Variants in SH3PXD2A observed in about 807,000 individuals in gnomAD.
SH3PXD2A encodes the protein SH3 and PX domain-containing protein 2A.
Under a neutral mutation model 115.2 loss-of-function variants are expected in SH3PXD2A, and 32 were observed. The observed-to-expected ratio is 0.28, with a 90% CI of 0.21 to 0.37. The LOEUF is 0.37. Among genes scored for constraint, SH3PXD2A ranks in the 10% least tolerant of loss-of-function variants. The pLI is 1.00. For synonymous variants in SH3PXD2A, 610 were observed against 629.1 expected, an observed-to-expected ratio of 0.97 and a Z score of 0.45; for missense variants, 1,328 against 1,498.7, an observed-to-expected ratio of 0.89 and a Z score of 1.88.
chr10:103,773,300 A>G (rs972931657), intron 2 of SH3PXD2A, among the ~76,000 whole-genome samples: 1 of 151,912 alleles, frequency 6.6e-6, no homozygotes, highest in Non-Finnish European at 1.5e-5. Flanking sequence ...ATTGCGGGAA[A>G]CCTCAGAATT....
chr10:103,837,249 C>G (rs2039553900), intron 1 of SH3PXD2A, among the ~76,000 whole-genome samples: 1 of 152,232 alleles, frequency 6.6e-6, no homozygotes, highest in Non-Finnish European at 1.5e-5. Flanking sequence ...TAACGAGAAA[C>G]CCATAAACCT....
At chr10:103,808,675 C>T (rs2039233025) in intron 1 of SH3PXD2A, among the ~76,000 whole-genome samples, 1 of 152,184 alleles carries the variant, frequency 6.6e-6, no homozygotes, top group South Asian at 2.1e-4. Context: ...AGTATGCTTT[C>T]CATGATTAGT....
At chr10:103,649,213 C>T (rs1007040873) in intron 8 of SH3PXD2A, among the ~76,000 whole-genome samples, 5 of 152,256 alleles carry the variant, frequency 3.3e-5, no homozygotes, top group East Asian at 1.9e-4. Flanking sequence ...ACAGCACAGT[C>T]GTCAGGGGAA....
intron 1 of SH3PXD2A, among the ~76,000 whole-genome samples, chr10:103,805,577 T>C (rs1456009981): frequency 6.6e-6 from 1 of 152,236 alleles, no homozygotes; most frequent in Non-Finnish European, 1.5e-5. Flanking sequence ...GAAAAGTTCT[T>C]TGCCCTCTAC....
chr10:103,767,048 C>G lies in SH3PXD2A; in HGVS notation c.229+46G>C, dbSNP rs1589446747. The G allele has an allele frequency of 4.8e-6, 7 of 1,468,430 alleles. No individual in the cohort carries two copies. In the East Asian group the frequency reaches 1.6e-4, roughly 33 times the overall value. The allele number at this position is 1,468,430 out of a possible 1,614,324, so 91.0% of individuals were successfully genotyped here. Reference sequence around the variant, plus strand: ...TCTCGGCCTAAGGGAAGGACTGGTCCTTCCCGGGTATCCCCCATCCCTGGG... The same window carrying G: ...TCTCGGCCTAAGGGAAGGACTGGTCGTTCCCGGGTATCCCCCATCCCTGGG... On this transcript the variant is annotated intron_variant, in intron 3 of 14. Transcript: ENST00000369774.
chr10:103,634,504 G>A (rs76664225), intron 8 of SH3PXD2A, among the ~76,000 whole-genome samples: 2,584 of 152,318 alleles, frequency 0.017, 49 homozygotes, highest in South Asian at 0.05. Context: ...TTTACAACCA[G>A]GGAGTCCAGC....
chr10:103,829,014 G>A (rs1048016954), intron 1 of SH3PXD2A, among the ~76,000 whole-genome samples: 2 of 152,142 alleles, frequency 1.3e-5, no homozygotes, highest in African/African-American at 4.8e-5. Flanking sequence ...CCCTTTTGAA[G>A]TCTCCACCAC....
chr10:103,601,643 T>C lies in SH3PXD2A; in HGVS notation c.*173A>G. The C allele has an allele frequency of 1.7e-6, 1 of 581,878 alleles. No individual in the cohort carries two copies. Among genetic ancestry groups the C allele is most frequent in the Non-Finnish European group, 3.1e-6 (1 of 325,118 alleles). The allele number at this position is 581,878 out of a possible 1,614,324, so 36.0% of individuals were successfully genotyped here. ...GCACCCCCATCCCCTACCTTCCAGC[T>C]GTGGGATGGCTTGGACAGGGGGCAT... On this transcript the variant is annotated 3_prime_UTR_variant, in exon 15 of 15. Transcript: ENST00000369774.
chr10:103,688,081 G>A (rs536970447), intron 6 of SH3PXD2A, among the ~76,000 whole-genome samples: 22 of 152,282 alleles, frequency 1.4e-4, no homozygotes, highest in African/African-American at 4.3e-4. Flanking sequence ...TCGACACCTT[G>A]CGCAGTGCTT....
At chr10:103,642,064 C>G (rs1468140335) in intron 8 of SH3PXD2A, among the ~76,000 whole-genome samples, 1 of 152,102 alleles carries the variant, frequency 6.6e-6, no homozygotes, top group South Asian at 2.1e-4. Context: ...CTTAATACCC[C>G]CAATGACCCA....
intron 11 of SH3PXD2A, 45 bp downstream of exon 11, chr10:103,617,152 C>T: frequency 7.2e-7 from 1 of 1,381,772 alleles, no homozygotes; most frequent in Non-Finnish European, 1.0e-6. Flanking sequence ...GCCCAGGGCC[C>T]AGGTGGGCGA....
At chr10:103,731,179 GA>G (rs2038315573) in intron 4 of SH3PXD2A, among the ~76,000 whole-genome samples, 2 of 136,892 alleles carry the variant, frequency 1.5e-5, no homozygotes, top group South Asian at 4.9e-4. Context: ...TTTTTTTTTT[GA>G]AACAGGGTCT....
At chr10:103,710,446 G>T (rs1459384375) in intron 5 of SH3PXD2A, among the ~76,000 whole-genome samples, 1 of 152,176 alleles carries the variant, frequency 6.6e-6, no homozygotes, top group African/African-American at 2.4e-5. Flanking sequence ...TACAGTAATT[G>T]AGCTATTATT....
At chr10:103,776,715 T>C (rs1313675394) in intron 2 of SH3PXD2A, among the ~76,000 whole-genome samples, 1 of 151,900 alleles carries the variant, frequency 6.6e-6, no homozygotes, top group African/African-American at 2.4e-5. Flanking sequence ...TCTGCCTTCA[T>C]CTCCACATGA....
intron 3 of SH3PXD2A, among the ~76,000 whole-genome samples, chr10:103,743,258 A>G (rs1379605541): frequency 6.6e-6 from 1 of 152,174 alleles, no homozygotes; most frequent in Admixed American, 6.5e-5. Flanking sequence ...CTTCACCATT[A>G]AAAACAAAAC....
chr10:103,627,906 TTCC>T lies in SH3PXD2A; in HGVS notation c.605-707_605-705del. On this transcript the variant is annotated intron_variant, in intron 8 of 14. Coordinates refer to ENST00000369774, the MANE Select transcript of SH3PXD2A (RefSeq NM_001394015.1). This position sits in a 1 kb window ranked among gnomAD's most constrained non-coding sequence, Gnocchi z 4.4. ...AAGGTCCTCTTCACACGGTCCTGTC[TTCC>T]TCCTCATCCCTTCTTCCCTGACACT... 6.6e-6 allele frequency among the ~76,000 whole-genome samples: 1 copy of T among 152,354 alleles called. No homozygotes were observed. The highest frequency in any genetic ancestry group is 2.1e-4 in the South Asian group (1 of 4,834).
chr10:103,659,860 A>T (rs1828893273), intron 8 of SH3PXD2A, among the ~76,000 whole-genome samples: 1 of 152,042 alleles, frequency 6.6e-6, no homozygotes, highest in African/African-American at 2.4e-5. Flanking sequence ...GCCCACTGGG[A>T]TTTCCTTAGC....
intron 3 of SH3PXD2A, among the ~76,000 whole-genome samples, chr10:103,757,693 A>G (rs2134213535): frequency 6.6e-6 from 1 of 152,276 alleles, no homozygotes; most frequent in Middle Eastern, 3.4e-3. Flanking sequence ...CAAGACCTGG[A>G]GGGTCTGCAG....
intron 8 of SH3PXD2A, among the ~76,000 whole-genome samples, chr10:103,657,677 G>C (rs958271551): frequency 7.2e-5 from 11 of 152,198 alleles, no homozygotes. Flanking sequence ...TTTGACTCCT[G>C]TTCTCTGGAA....
Sources: gnomAD v4.1 joint callset for allele counts (sites outside exome capture counted in the v4.1 genomes callset) on GRCh38, gnomAD v4.1.1 for gene constraint, Gnocchi (gnomAD v3.1) non-coding constraint, MANE v1.5 for transcripts, NCBI Gene and HGNC (gene_info 2026-07-23, HGNC 2026-07-21) for gene names.